Variants in KCNT2 observed in about 807,000 individuals in gnomAD.
KCNT2 encodes potassium sodium-activated channel subfamily T member 2.
Under a neutral mutation model 153.8 loss-of-function variants are expected in KCNT2, and 67 were observed. The observed-to-expected ratio is 0.44, with a 90% CI of 0.36 to 0.53. The LOEUF is 0.53. Ranked by LOEUF, KCNT2 falls within the 20% of genes least tolerant of loss-of-function variation. The pLI is 0.00. For missense variants in KCNT2, 975 were observed against 1,354.8 expected, an observed-to-expected ratio of 0.72 and a Z score of 4.40; for synonymous variants, 500 against 458.8, an observed-to-expected ratio of 1.09 and a Z score of -1.15.
chr1:196,336,203 C>T (rs1462700318), intron 16 of KCNT2, among the ~76,000 whole-genome samples: 1 of 152,080 alleles, frequency 6.6e-6, no homozygotes, highest in Non-Finnish European at 1.5e-5. Flanking sequence ...GACTCAACTC[C>T]TTGTCCTCTT....
At chr1:196,236,218 C>A in intron 26 of KCNT2, 148 bp from the exon 27 acceptor site, 1 of 588,574 alleles carries the variant, frequency 1.7e-6, no homozygotes, top group Non-Finnish European at 3.0e-6. Context: ...ATAAGTTTGG[C>A]TATTTTCAAA....
chr1:196,403,286 G>A (rs1671568705), intron 12 of KCNT2, among the ~76,000 whole-genome samples: 1 of 151,592 alleles, frequency 6.6e-6, no homozygotes, highest in Non-Finnish European at 1.5e-5. Flanking sequence ...AATGCATATT[G>A]CTAAGTGAAT....
At chr1:196,312,273 T>C (rs1662258473) in intron 21 of KCNT2, among the ~76,000 whole-genome samples, 1 of 151,650 alleles carries the variant, frequency 6.6e-6, no homozygotes, top group African/African-American at 2.4e-5. Context: ...CAAGGAGTCT[T>C]CTGAGTAAAG....
At chr1:196,574,064 A>G (rs1661081415) in intron 1 of KCNT2, among the ~76,000 whole-genome samples, 5 of 151,984 alleles carry the variant, frequency 3.3e-5, no homozygotes, top group Admixed American at 2.0e-4. Flanking sequence ...CTGAATCTCA[A>G]CTTCATCATA....
chr1:196,293,376 A>G (rs1438879398), intron 22 of KCNT2, among the ~76,000 whole-genome samples: 1 of 152,214 alleles, frequency 6.6e-6, no homozygotes. Context: ...ATCTGGAGAC[A>G]TCACAGTATC....
chr1:196,280,513 G>C (rs146222611), intron 25 of KCNT2, among the ~76,000 whole-genome samples: 1 of 152,222 alleles, frequency 6.6e-6, no homozygotes, highest in African/African-American at 2.4e-5. Flanking sequence ...TAGGTTGCTT[G>C]CCCTGAGAAC....
intron 26 of KCNT2, among the ~76,000 whole-genome samples, chr1:196,238,449 C>A (rs140820584): frequency 2.6e-4 from 40 of 152,064 alleles, no homozygotes; most frequent in African/African-American, 9.4e-4. Flanking sequence ...CATGGCTTAT[C>A]AAGACGTAGA....
At chr1:196,310,638 G>A (rs1346685898) in intron 21 of KCNT2, among the ~76,000 whole-genome samples, 1 of 151,440 alleles carries the variant, frequency 6.6e-6, no homozygotes, top group Non-Finnish European at 1.5e-5. Flanking sequence ...ATGACTACTT[G>A]TGCCAATCTA....
At position 196,467,571 on chromosome 1, in the gene KCNT2, C is replaced by T. The variant is rs992959731; in HGVS notation, c.543+132G>A. 5.6e-5 allele frequency: 27 copies of T among 478,406 alleles called. 1 individual carries two copies. Among genetic ancestry groups the T allele is most frequent in the African/African-American group, 1.9e-4 (10 of 51,320 alleles). The allele number at this position is 478,406 out of a possible 1,614,324, so 29.6% of individuals were successfully genotyped here. ...ATTAATTCCAATAGTATGAGTTAAACGTTATGGGAGAATGCAGAATTAGAA... is the reference window on the plus strand; with the variant it reads ...ATTAATTCCAATAGTATGAGTTAAATGTTATGGGAGAATGCAGAATTAGAA... On this transcript the variant is annotated intron_variant, in intron 7 of 27. Transcript: ENST00000294725.
chr1:196,404,331 A>G (rs1391459535), intron 12 of KCNT2, among the ~76,000 whole-genome samples: 1 of 151,614 alleles, frequency 6.6e-6, no homozygotes, highest in Non-Finnish European at 1.5e-5. Context: ...ATCTTATCAG[A>G]TGCAGTTTTT....
intron 7 of KCNT2, 82 bp from the exon 8 acceptor site, chr1:196,465,469 T>C: frequency 1.3e-6 from 1 of 790,078 alleles, no homozygotes; most frequent in South Asian, 1.4e-5. Context: ...TAGCATACAT[T>C]TCATGTCAAC....
chr1:196,337,073 C>G (rs1665110819), intron 16 of KCNT2, among the ~76,000 whole-genome samples: 1 of 152,028 alleles, frequency 6.6e-6, no homozygotes, highest in Admixed American at 6.6e-5. Flanking sequence ...CTATCTCTCT[C>G]TCTCTCCTGA....
At chr1:196,352,718 T>C (rs1315995558) in intron 14 of KCNT2, among the ~76,000 whole-genome samples, 2 of 152,192 alleles carry the variant, frequency 1.3e-5, no homozygotes, top group South Asian at 2.1e-4. Context: ...AGTTCTGCTC[T>C]GATTTTAGTT....
chr1:196,273,659 G>T (rs1658285696), intron 25 of KCNT2, among the ~76,000 whole-genome samples: 1 of 151,642 alleles, frequency 6.6e-6, no homozygotes. Context: ...ATTAGATAAA[G>T]AATAAGCTAT....
chr1:196,290,769 A>T (rs1272071615), intron 22 of KCNT2, among the ~76,000 whole-genome samples: 3 of 152,066 alleles, frequency 2.0e-5, no homozygotes, highest in Non-Finnish European at 4.4e-5. Flanking sequence ...GTCCTAGACC[A>T]GGTCTTTATT....
chr1:196,321,880 G>C (rs531530934), intron 19 of KCNT2, among the ~76,000 whole-genome samples: 1 of 152,100 alleles, frequency 6.6e-6, no homozygotes, highest in South Asian at 2.1e-4. Flanking sequence ...ATTGTCAACA[G>C]TGTTCATGGC....
intron 13 of KCNT2, among the ~76,000 whole-genome samples, chr1:196,377,273 G>A (rs1384358497): frequency 6.6e-6 from 1 of 151,954 alleles, no homozygotes; most frequent in Non-Finnish European, 1.5e-5. Flanking sequence ...ACCAAGCAGT[G>A]TTGGAGAGAG....
At chr1:196,351,485 T>C (rs150780588) in intron 14 of KCNT2, among the ~76,000 whole-genome samples, 7,538 of 126,580 alleles carry the variant, frequency 0.06, 283 homozygotes, top group Non-Finnish European at 0.09. Context: ...GGGAGTTCAC[T>C]CATGATTTGG....
chr1:196,545,132 C>G (rs1572780923), intron 1 of KCNT2, among the ~76,000 whole-genome samples: 1 of 151,958 alleles, frequency 6.6e-6, no homozygotes, highest in Non-Finnish European at 1.5e-5. Flanking sequence ...TTTCTTCATA[C>G]ATGCTAAAAG....
Sources: allele counts gnomAD v4.1 joint callset (sites outside exome capture counted in the v4.1 genomes callset), GRCh38; gene constraint gnomAD v4.1.1; transcripts MANE v1.5; gene names NCBI Gene and HGNC (gene_info 2026-07-23, HGNC 2026-07-21).